HHEX: variants seen among roughly 807,000 people sequenced by gnomAD.
HHEX encodes hematopoietically-expressed homeobox protein HHEX.
Under a neutral mutation model 27.0 loss-of-function variants are expected in HHEX, and 8 were observed. The ratio of observed to expected loss-of-function variants is 0.30; its 90% confidence interval spans 0.17 to 0.54. The LOEUF (loss-of-function observed/expected upper bound fraction) is 0.54. Ranked by LOEUF, HHEX falls within the 20% of genes least tolerant of loss-of-function variation. The pLI, the probability that HHEX is intolerant of heterozygous loss-of-function variation, is 0.95. For synonymous variants in HHEX, 164 were observed against 161.5 expected (o/e 1.02, Z -0.12); for missense variants, 326 against 357.2 (o/e 0.91, Z 0.70).
chr10:92,695,070 T>A lies in HHEX; in HGVS notation c.*302T>A, dbSNP rs1346978781. The A allele has an allele frequency of 8.5e-6, 2 of 234,404 alleles. No individual in the cohort carries two copies. The highest frequency in any genetic ancestry group is 5.2e-5 in the Admixed American group (1 of 19,342). The allele number at this position is 234,404 out of a possible 1,614,324, so 14.5% of individuals were successfully genotyped here. On this transcript the variant is annotated 3_prime_UTR_variant, in exon 4 of 4. Transcript: ENST00000282728. ...GTTTTCACTATTTATAAAAAATTAA[T>A]TTTGAACTTTTTGTTAAATTTTTAA...
intron 1 of HHEX, among the ~76,000 whole-genome samples, chr10:92,690,590 C>A (rs966989703): frequency 6.6e-6 from 1 of 152,082 alleles, no homozygotes; most frequent in South Asian, 2.1e-4. Context: ...GACCTCGCGG[C>A]GAGGGCAGCC....
rs1156313218 is a variant in HHEX at position 92,690,091 on chromosome 10, G to C, written c.105G>C (p.Glu35Asp). ...QPAHPTPFYIEDILGRGPAAP... is the reference protein window; with the variant it reads ...QPAHPTPFYIDDILGRGPAAP... ...CACACCCGACGCCCTTTTACATCGAGGACATCCTGGGCCGCGGGCCCGCCG... is the reference window on the plus strand; with the variant it reads ...CACACCCGACGCCCTTTTACATCGACGACATCCTGGGCCGCGGGCCCGCCG... Residue 35 changes from glutamate (E) to aspartate (D), a missense_variant, in exon 1 of 4, where the codon GAG (glutamate) becomes GAC (aspartate). Transcript: ENST00000282728. 1 of 1,547,590 alleles carries C rather than the reference G, an allele frequency of 6.5e-7. No homozygotes were observed. Among genetic ancestry groups the C allele is most frequent in the Non-Finnish European group, 8.7e-7 (1 of 1,145,828 alleles).
chr10:92,690,198 A>G lies in HHEX; in HGVS notation c.212A>G (p.Glu71Gly), dbSNP rs780241760. 6.4e-7 allele frequency: 1 copy of G among 1,573,082 alleles called. No individual in the cohort carries two copies. The highest frequency in any genetic ancestry group is 8.6e-7 in the Non-Finnish European group (1 of 1,160,392). ...TCCCCCTACCGGACCCCGGTGTACGAGCCCACGCCGATCCATCCAGCCTTC... is the reference window on the plus strand; with the variant it reads ...TCCCCCTACCGGACCCCGGTGTACGGGCCCACGCCGATCCATCCAGCCTTC... ...LVSPYRTPVY[E>G]PTPIHPAFSH... Residue 71 changes from glutamate (E) to glycine (G), a missense_variant, in exon 1 of 4, where the codon GAG (glutamate) becomes GGG (glycine). By Grantham distance (98) the Glu-to-Gly change is moderately conservative. Transcript: ENST00000282728.
chr10:92,690,772 T>G (rs1471460843), intron 1 of HHEX, among the ~76,000 whole-genome samples: 1 of 152,188 alleles, frequency 6.6e-6, no homozygotes. Flanking sequence ...CCTGACCCTT[T>G]CCGTTCATAC....
chr10:92,691,052 A>T (rs764948668), intron 1 of HHEX, among the ~76,000 whole-genome samples: 1 of 152,110 alleles, frequency 6.6e-6, no homozygotes, highest in Non-Finnish European at 1.5e-5. Flanking sequence ...GCTGTTTTGC[A>T]CCAGTCTGAA....
In HHEX at chr10:92,690,274, C is replaced by T. The variant is rs764505609; in HGVS notation, c.288C>T (p.Phe96=). Residue 96 remains phenylalanine, a synonymous_variant, in exon 1 of 4, where the codon TTC becomes TTT. Transcript: ENST00000282728. ...ALAAAYGPGG[F]GGPLYPFPRT... ...CCGCTGCCTACGGACCCGGCGGCTT[C>T]GGGGGCCCTCTGTACCCCTTCCCGC... 3.9e-6 allele frequency: 6 copies of T among 1,554,124 alleles called. No homozygotes were observed. Among genetic ancestry groups the T allele is most frequent in the East Asian group, 4.8e-5 (2 of 41,480 alleles).
chr10:92,692,393 C>G lies in HHEX; in HGVS notation c.387C>G (p.Phe129Leu), dbSNP rs750824236. The G allele has an allele frequency of 2.1e-5, 34 of 1,613,858 alleles. No individual in the cohort carries two copies. Among genetic ancestry groups the G allele is most frequent in the Non-Finnish European group, 2.9e-5 (34 of 1,180,018 alleles). The change falls in exon 2 of 4, where the codon TTC becomes TTG. Residue 129 changes from phenylalanine to leucine, a missense_variant. This residue lies in a region of HHEX where 215 missense variants were observed against 196.4 expected (regional missense o/e 1.09). Transcript: ENST00000282728. ...GCAAACCTCTACTCTGGAGCCCCTT[C>G]TTGCAGAGGCCTCTGCATAAAAGGA... ...PLGKPLLWSP[F>L]LQRPLHKRKG...
Position 92,690,386 on chromosome 10 carries a change from A to C in HHEX, c.361+39A>C, listed in dbSNP as rs1335682853. The C allele has an allele frequency of 1.7e-5, 24 of 1,394,040 alleles. No individual in the cohort carries two copies. The East Asian group carries it at 6.9e-4, about 40-fold the overall frequency. 86.4% of individuals were successfully genotyped at this position (1,394,040 alleles called of 1,614,324 possible). A position where few individuals can be genotyped will look rare whatever the true frequency, so the allele number is the denominator to read the frequency against. ...GCGAGGGTGGGGGCGAGGAAGCGCC[A>C]CCCGGCAGGTGGCAGCGCCCGGGAG... On this transcript the variant is annotated intron_variant, in intron 1 of 3. Transcript: ENST00000282728.
Position 92,692,746 on chromosome 10 carries a change from A to G in HHEX, c.585A>G (p.Leu195=), listed in dbSNP as rs780820204. ...FQNRRAKWRR[L]KQENPQSNKK... ...ATCGACGCGCTAAATGGAGGAGACTAAAACAGGTATGGACATGGTTCTGTT... is the reference window on the plus strand; with the variant it reads ...ATCGACGCGCTAAATGGAGGAGACTGAAACAGGTATGGACATGGTTCTGTT... The change falls in exon 3 of 4, where the codon CTA becomes CTG. Residue 195 remains leucine (L), a synonymous_variant. Coordinates refer to ENST00000282728, the MANE Select transcript of HHEX (RefSeq NM_002729.5). The G allele has an allele frequency of 2.9e-5, 47 of 1,612,064 alleles. No homozygotes were observed. Among genetic ancestry groups the G allele is most frequent in the Non-Finnish European group, 3.9e-5 (46 of 1,178,166 alleles).
Position 92,690,303 on chromosome 10 carries a change from C to T in HHEX, c.317C>T (p.Thr106Met), listed in dbSNP as rs1430945151. 6 of 1,542,780 alleles carry T rather than the reference C, an allele frequency of 3.9e-6. No individual in the cohort carries two copies. Among genetic ancestry groups the T allele is most frequent in the South Asian group, 1.2e-5 (1 of 83,622 alleles). ...FGGPLYPFPR[T>M]VNDYTHALLR... The stretch of plus-strand genomic sequence containing the variant: ...GGCCCTCTGTACCCCTTCCCGCGGA[C>T]GGTGAACGACTACACGCACGCCCTG... The change falls in exon 1 of 4, where the codon ACG (threonine) becomes ATG (methionine). Residue 106 changes from threonine to methionine, a missense_variant. By Grantham distance (81) the Thr-to-Met change is moderately conservative. This residue lies in a region of HHEX where 215 missense variants were observed against 196.4 expected (regional missense o/e 1.09). Transcript: ENST00000282728.
At position 92,690,156 on chromosome 10, in the gene HHEX, C is replaced by G. The variant is rs1418617550; in HGVS notation, c.170C>G (p.Ser57Cys). The G allele has an allele frequency of 1.3e-6, 2 of 1,555,784 alleles. No individual in the cohort carries two copies. Among genetic ancestry groups the G allele is most frequent in the Admixed American group, 3.9e-5 (2 of 51,608 alleles). The part of the protein sequence containing the change: ...PAPTLPSPNS[S>C]FTSLVSPYRT... ...CCCACGCTGCCGTCCCCCAACTCCT[C>G]CTTCACCAGCCTCGTGTCCCCCTAC... is the stretch of plus-strand genomic sequence containing the variant. Residue 57 changes from serine (S) to cysteine (C), a missense_variant, in exon 1 of 4, where the codon TCC (serine) becomes TGC (cysteine). By Grantham distance (112) the Ser-to-Cys change is moderately radical. Coordinates refer to ENST00000282728, the MANE Select transcript of HHEX (RefSeq NM_002729.5).
chr10:92,693,714 A>T (rs1301351751), intron 3 of HHEX, among the ~76,000 whole-genome samples: 1 of 106,782 alleles, frequency 9.4e-6, no homozygotes, highest in African/African-American at 3.5e-5. Flanking sequence ...ATTTGTTGAG[A>T]CTATAAGGCT....
At position 92,690,452 on chromosome 10, in the gene HHEX, A is replaced by G. The variant is rs1289141313; in HGVS notation, c.361+105A>G. 6 of 1,301,336 alleles carry G rather than the reference A, an allele frequency of 4.6e-6. No homozygotes were observed. In the East Asian group the frequency reaches 1.2e-4, roughly 27 times the overall value. The allele number at this position is 1,301,336 out of a possible 1,614,324, so 80.6% of individuals were successfully genotyped here. ...GGGGCAGGCGGTAGACGGCTGTGGC[A>G]AAAGCGATGGAAAAGCAGCTGTCGG... is the stretch of plus-strand genomic sequence containing the variant. On this transcript the variant is annotated intron_variant, in intron 1 of 3. Coordinates refer to ENST00000282728, the MANE Select transcript of HHEX (RefSeq NM_002729.5).
chr10:92,694,967 A>C lies in HHEX; in HGVS notation c.*199A>C, dbSNP rs926381758. ...TTAATTTTGACTTAACAAATAGTTT[A>C]TGTACTGCTCTTAGGTTGTTTTGAT... is the stretch of plus-strand genomic sequence containing the variant. On this transcript the variant is annotated 3_prime_UTR_variant, in exon 4 of 4. Coordinates refer to ENST00000282728, the MANE Select transcript of HHEX (RefSeq NM_002729.5). 5 of 578,380 alleles carry C rather than the reference A, an allele frequency of 8.6e-6. No homozygotes were observed. Among genetic ancestry groups the C allele is most frequent in the Non-Finnish European group, 1.5e-5 (5 of 325,728 alleles). 35.8% of individuals were successfully genotyped at this position (578,380 alleles called of 1,614,324 possible).
intron 2 of HHEX, 52 bp downstream of exon 2, chr10:92,692,598 G>C (rs1383080585): frequency 1.2e-6 from 2 of 1,602,418 alleles, no homozygotes; most frequent in Non-Finnish European, 1.7e-6. Flanking sequence ...AGGCTTCTGG[G>C]GTAGGGGTCG....
chr10:92,694,982 G>A lies in HHEX; in HGVS notation c.*214G>A, dbSNP rs1246797039. 4 of 525,940 alleles carry A rather than the reference G, an allele frequency of 7.6e-6. No individual in the cohort carries two copies. The highest frequency in any genetic ancestry group is 1.9e-5 in the African/African-American group (1 of 52,452). The allele number at this position is 525,940 out of a possible 1,614,324, so 32.6% of individuals were successfully genotyped here. ...CAAATAGTTTATGTACTGCTCTTAG[G>A]TTGTTTTGATAAAGTGACATTATAG... is the stretch of plus-strand genomic sequence containing the variant. On this transcript the variant is annotated 3_prime_UTR_variant, in exon 4 of 4. Transcript: ENST00000282728.
rs184882393 is a variant in HHEX at position 92,694,656 on chromosome 10, C to G, written c.701C>G (p.Ser234Cys). 5.3e-4 allele frequency: 860 copies of G among 1,614,088 alleles called. 15 individuals carry two copies. The Admixed American group carries it at 0.014, about 27-fold the overall frequency. Residue 234 changes from serine to cysteine, a missense_variant, in exon 4 of 4, where the codon TCT (serine) becomes TGT (cysteine). Ser to Cys is a moderately radical substitution (Grantham distance 112). Coordinates refer to ENST00000282728, the MANE Select transcript of HHEX (RefSeq NM_002729.5). ...AATAAAGGTGCTTCTTTGGATAGCT[C>G]TCAATGTTCGCCCTCCCCTGCCTCC... The part of the protein sequence containing the change: ...EQNKGASLDS[S>C]QCSPSPASQE...
intron 3 of HHEX, among the ~76,000 whole-genome samples, chr10:92,694,259 G>T (rs1845383011): frequency 6.6e-6 from 1 of 152,182 alleles, no homozygotes; most frequent in African/African-American, 2.4e-5. Context: ...GGTCTGGGCT[G>T]GTGTTAAGTA....
chr10:92,694,598 T>C lies in HHEX; in HGVS notation c.643T>C (p.Cys215Arg). The C allele has an allele frequency of 6.2e-7, 1 of 1,614,180 alleles. No homozygotes were observed. Among genetic ancestry groups the C allele is most frequent in the East Asian group, 2.2e-5 (1 of 44,882 alleles). ...AGAACTGGAAAGTTTGGACAGTTCC[T>C]GTGATCAGAGGCAAGATTTGCCCAG... ...KEELESLDSS[C>R]DQRQDLPSEQ... The change falls in exon 4 of 4, where the codon TGT (cysteine) becomes CGT (arginine). Residue 215 changes from cysteine (C) to arginine (R), a missense_variant. Transcript: ENST00000282728.
Sources: allele counts gnomAD v4.1 joint callset (sites outside exome capture counted in the v4.1 genomes callset), GRCh38; gene constraint gnomAD v4.1.1; regional missense constraint gnomAD v4.1.1; transcripts MANE v1.5; gene names NCBI Gene and HGNC (gene_info 2026-07-23, HGNC 2026-07-21).